The following DNAH8 variants were observed in gnomAD, a reference collection of about 807,000 sequenced individuals.
DNAH8 encodes dynein axonemal heavy chain 8.
Under a neutral mutation model 562.1 loss-of-function variants are expected in DNAH8, and 382 were observed. That is an observed-to-expected ratio of 0.68 (90% confidence interval 0.63 to 0.74). The LOEUF is 0.74. Ranked by LOEUF, DNAH8 falls within the 30% of genes least tolerant of loss-of-function variation. The probability of loss-of-function intolerance (pLI) is 0.00; values close to 1 mark genes in which losing one functional copy is unlikely to be tolerated. For missense variants in DNAH8, 5,203 were observed against 5,620.4 expected, an observed-to-expected ratio of 0.93 and a Z score of 2.37; for synonymous variants, 1,881 against 1,919.4, an observed-to-expected ratio of 0.98 and a Z score of 0.52.
chr6:38,810,584 T>C (rs1327295900), intron 24 of DNAH8, among the ~76,000 whole-genome samples: 1 of 151,596 alleles, frequency 6.6e-6, no homozygotes, highest in East Asian at 1.9e-4. Flanking sequence ...AGAGTGAGAC[T>C]CCATCTCAAA....
In DNAH8 at chr6:38,805,547, A is replaced by G; in HGVS notation, c.3101A>G (p.Asn1034Ser). 1 of 1,608,874 alleles carries G rather than the reference A, an allele frequency of 6.2e-7. No homozygotes were observed. The highest frequency in any genetic ancestry group is 8.5e-7 in the Non-Finnish European group (1 of 1,175,584). Residue 1034 changes from asparagine (N) to serine (S), a missense_variant, in exon 23 of 93, where the codon AAT becomes AGT. Coordinates refer to ENST00000327475, the MANE Select transcript of DNAH8 (RefSeq NM_001206927.2). ...GEGENNDYEA[N>S]IVNEFDTHDK... ...GGTGAAAACAATGACTATGAAGCTA[A>G]TATTGTGAATGAGTTTGATACTCAT...
chr6:38,826,940 C>G (rs1738207), intron 29 of DNAH8, among the ~76,000 whole-genome samples: 32,245 of 152,026 alleles, frequency 0.21, 4,294 homozygotes, highest in African/African-American at 0.37. Context: ...CAACACAGAT[C>G]GTTTATTTTA....
intron 82 of DNAH8, among the ~76,000 whole-genome samples, chr6:38,965,198 A>G: frequency 6.6e-6 from 1 of 152,124 alleles, no homozygotes. Context: ...TTCAGAAATC[A>G]GAATGTTCTG....
At chr6:38,719,786 A>C (rs2127560931) in intron 1 of DNAH8, among the ~76,000 whole-genome samples, 1 of 152,328 alleles carries the variant, frequency 6.6e-6, no homozygotes, top group Admixed American at 6.5e-5. Context: ...TTGCCACCAA[A>C]GATTTTTACT....
At chr6:38,768,219 A>G (rs1288595602) in intron 11 of DNAH8, among the ~76,000 whole-genome samples, 4 of 152,082 alleles carry the variant, frequency 2.6e-5, no homozygotes, top group Admixed American at 6.6e-5. Flanking sequence ...TTAATTCCTT[A>G]TCATATATAT....
intron 4 of DNAH8, among the ~76,000 whole-genome samples, chr6:38,731,068 G>A (rs1161942428): frequency 1.3e-5 from 2 of 152,058 alleles, no homozygotes; most frequent in African/African-American, 2.4e-5. Context: ...TTTAATATAT[G>A]TCTTGTTTCT....
chr6:38,998,217 T>A (rs1440525775), intron 88 of DNAH8, among the ~76,000 whole-genome samples: 1 of 152,184 alleles, frequency 6.6e-6, no homozygotes, highest in Non-Finnish European at 1.5e-5. Flanking sequence ...TGCATAAGAA[T>A]GCAGAATCTC....
chr6:39,017,285 G>T (rs139667763), intron 91 of DNAH8, among the ~76,000 whole-genome samples: 1 of 152,222 alleles, frequency 6.6e-6, no homozygotes, highest in East Asian at 1.9e-4. Flanking sequence ...CGCCTTTTCA[G>T]TGCATCGTGT....
chr6:38,790,068 A>G (rs551511668), intron 19 of DNAH8, among the ~76,000 whole-genome samples, 185 bp downstream of exon 19: 13 of 152,004 alleles, frequency 8.6e-5, no homozygotes, highest in African/African-American at 2.9e-4. Context: ...CTTTGAAAAA[A>G]CAACTAAATC....
chr6:38,775,816 A>G lies in DNAH8; in HGVS notation c.1827A>G (p.Gly609=), dbSNP rs201198707. Reference sequence around the variant, plus strand: ...CCTTGAGTAATTCTACCATAGAAGGAATAGATATTATGGCAATAAAATTCA... The same window carrying G: ...CCTTGAGTAATTCTACCATAGAAGGGATAGATATTATGGCAATAAAATTCA... ...YSTLSNSTIE[G]IDIMAIKFRN... is the part of the protein sequence containing the mutation. Residue 609 remains glycine (G), a synonymous_variant, in exon 13 of 93, where the codon GGA becomes GGG. Coordinates refer to ENST00000327475, the MANE Select transcript of DNAH8 (RefSeq NM_001206927.2). 2.7e-5 allele frequency: 43 copies of G among 1,597,500 alleles called. No individual in the cohort carries two copies. Among genetic ancestry groups the G allele is most frequent in the Non-Finnish European group, 3.4e-5 (40 of 1,165,132 alleles).
intron 47 of DNAH8, among the ~76,000 whole-genome samples, chr6:38,867,614 G>T (rs862426): frequency 6.6e-6 from 1 of 151,042 alleles, no homozygotes; most frequent in African/African-American, 2.4e-5. Flanking sequence ...TTAGCCAGGC[G>T]TGGTGGCACG....
chr6:38,989,522 G>A (rs180803620), intron 87 of DNAH8, among the ~76,000 whole-genome samples: 2 of 152,344 alleles, frequency 1.3e-5, no homozygotes, highest in East Asian at 3.9e-4. Flanking sequence ...GGTGGGAGGG[G>A]AGAGTTTGCA....
At chr6:38,814,586 A>T (rs1258612947) in intron 25 of DNAH8, among the ~76,000 whole-genome samples, 1 of 151,980 alleles carries the variant, frequency 6.6e-6, no homozygotes, top group Non-Finnish European at 1.5e-5. Context: ...GTCAAAAAAA[A>T]AAAAGTTACT....
chr6:39,001,863 A>G (rs532680561), intron 88 of DNAH8, among the ~76,000 whole-genome samples: 2 of 152,196 alleles, frequency 1.3e-5, no homozygotes, highest in East Asian at 3.9e-4. Context: ...ATGATCAGGA[A>G]GTTAGGGGGC....
intron 17 of DNAH8, among the ~76,000 whole-genome samples, chr6:38,785,581 T>G (rs981608573): frequency 2.6e-5 from 4 of 152,154 alleles, no homozygotes; most frequent in Non-Finnish European, 4.4e-5. Flanking sequence ...GTCATCTAGA[T>G]TTTAAGCCCC....
chr6:38,792,308 G>A (rs1022815883), intron 21 of DNAH8, among the ~76,000 whole-genome samples: 3 of 152,094 alleles, frequency 2.0e-5, no homozygotes, highest in African/African-American at 4.8e-5. Context: ...GACTGGTCTC[G>A]AACTCCCGAC....
intron 74 of DNAH8, among the ~76,000 whole-genome samples, chr6:38,927,522 G>A (rs1419457410): frequency 1.3e-5 from 2 of 152,246 alleles, no homozygotes; most frequent in East Asian, 1.9e-4. Flanking sequence ...CCATTTCCAC[G>A]AAGCTTCTTA....
chr6:38,801,441 T>C (rs1442506195), intron 21 of DNAH8, among the ~76,000 whole-genome samples: 1 of 152,248 alleles, frequency 6.6e-6, no homozygotes, highest in Non-Finnish European at 1.5e-5. Context: ...ATCATGGGGA[T>C]GCCAAGATAA....
intron 62 of DNAH8, among the ~76,000 whole-genome samples, chr6:38,900,886 G>A (rs904718802): frequency 7.2e-5 from 11 of 152,182 alleles, no homozygotes; most frequent in Non-Finnish European, 1.0e-4. Flanking sequence ...CAAAATTATA[G>A]GCGTGAGCCA....
Sources: gnomAD v4.1 joint callset for allele counts (sites outside exome capture counted in the v4.1 genomes callset) on GRCh38, gnomAD v4.1.1 for gene constraint, MANE v1.5 for transcripts, NCBI Gene and HGNC (gene_info 2026-07-23, HGNC 2026-07-21) for gene names.